The following PRELID2 variants were observed in gnomAD, a reference collection of about 807,000 sequenced individuals.
PRELID2 encodes the protein PRELI domain containing 2.
Under a neutral mutation model 28.4 loss-of-function variants are expected in PRELID2, and 25 were observed. The ratio of observed to expected loss-of-function variants is 0.88; its 90% CI spans 0.64 to 1.23. The LOEUF (loss-of-function observed/expected upper bound fraction) is 1.23. Among genes scored for constraint, PRELID2 ranks in the 50% most tolerant of loss-of-function variants. The pLI, the probability that PRELID2 is intolerant of heterozygous loss-of-function variation, is 0.00. For synonymous variants in PRELID2, 76 were observed against 71.6 expected (o/e 1.06, Z -0.31); for missense variants, 201 against 214.4 (o/e 0.94, Z 0.39).
the PRELID2 span, among the ~76,000 whole-genome samples, chr5:145,441,720 T>G: frequency 6.6e-6 from 1 of 152,072 alleles, no homozygotes; most frequent in African/African-American, 2.4e-5. Context: ...GGATGCATGG[T>G]GAAGGCACAC....
chr5:145,415,009 T>C, the PRELID2 span, among the ~76,000 whole-genome samples: 296 of 152,286 alleles, frequency 1.9e-3, no homozygotes, highest in Admixed American at 4.1e-3. Flanking sequence ...TAGATATCTA[T>C]AGAACTCTCC....
intron 1 of PRELID2, among the ~76,000 whole-genome samples, chr5:145,654,861 C>A (rs1262481109): frequency 6.6e-6 from 1 of 152,134 alleles, no homozygotes; most frequent in African/African-American, 2.4e-5. Flanking sequence ...CCCTCTCTCG[C>A]CACTCCTATT....
chr5:145,381,791 TA>T, the PRELID2 span: 2 of 152,142 alleles, frequency 1.3e-5, no homozygotes, highest in African/African-American at 4.8e-5. Context: ...CAACCTTCTA[TA>T]ACAAAAATAA....
the PRELID2 span, among the ~76,000 whole-genome samples, chr5:145,425,972 CATT>C: frequency 6.6e-6 from 1 of 152,106 alleles, no homozygotes; most frequent in Non-Finnish European, 1.5e-5. Flanking sequence ...CCCTCATCAT[CATT>C]ATTATTATTT....
At chr5:145,443,657 A>C in the PRELID2 span, among the ~76,000 whole-genome samples, 4 of 152,118 alleles carry the variant, frequency 2.6e-5, no homozygotes, top group African/African-American at 7.2e-5. Flanking sequence ...ACCTCTGTAC[A>C]GCATTTTCAG....
At chr5:145,399,263 AT>A in the PRELID2 span, among the ~76,000 whole-genome samples, 296 of 152,194 alleles carry the variant, frequency 1.9e-3, 1 homozygote, top group African/African-American at 6.7e-3. Context: ...GATGGAGTTG[AT>A]TACATGGGGG....
At chr5:145,725,158 C>T (rs888879805) in intron 1 of PRELID2, among the ~76,000 whole-genome samples, 1 of 151,810 alleles carries the variant, frequency 6.6e-6, no homozygotes, top group African/African-American at 2.4e-5. Flanking sequence ...TTCAAAGCAA[C>T]AAGAAAAGAG....
At chr5:145,796,271 C>G (rs1669318382) in intron 5 of PRELID2, 171 bp downstream of exon 5, 1 of 421,682 alleles carries the variant, frequency 2.4e-6, no homozygotes, top group African/African-American at 2.1e-5. Context: ...TTTAGTTTTA[C>G]TTTGATTTGA....
At chr5:145,830,775 G>T (rs1390021396) in intron 1 of PRELID2, among the ~76,000 whole-genome samples, 1 of 152,164 alleles carries the variant, frequency 6.6e-6, no homozygotes, top group Non-Finnish European at 1.5e-5. Flanking sequence ...TTTTCACAGT[G>T]TCACTTAGCT....
intron 1 of PRELID2, among the ~76,000 whole-genome samples, chr5:145,720,414 G>A (rs1755955832): frequency 6.6e-6 from 1 of 151,326 alleles, no homozygotes; most frequent in South Asian, 2.1e-4. Flanking sequence ...GACTTCTCAA[G>A]AGCAACATAC....
the PRELID2 span, among the ~76,000 whole-genome samples, chr5:145,264,969 TAAAAAAAAA>T: frequency 1.6e-4 from 9 of 56,876 alleles, no homozygotes; most frequent in East Asian, 1.9e-3. Context: ...AGTGCAACTC[TAAAAAAAAA>T]AAAAAAAAAA....
chr5:145,779,164 C>T (rs1306746085), intron 5 of PRELID2, among the ~76,000 whole-genome samples: 1 of 152,070 alleles, frequency 6.6e-6, no homozygotes, highest in African/African-American at 2.4e-5. Context: ...TTCATTTGTT[C>T]ATTAATTCAA....
chr5:145,265,236 A>G, the PRELID2 span, among the ~76,000 whole-genome samples: 3 of 152,026 alleles, frequency 2.0e-5, no homozygotes, highest in African/African-American at 7.2e-5. Context: ...AAATAAAATA[A>G]AATACTTAGG....
At chr5:145,293,184 C>T in the PRELID2 span, among the ~76,000 whole-genome samples, 14 of 152,114 alleles carry the variant, frequency 9.2e-5, no homozygotes, top group Middle Eastern at 3.2e-3. Flanking sequence ...AAACACATGG[C>T]CAGCTTTACA....
At chr5:145,653,128 C>G (rs549115964) in intron 1 of PRELID2, among the ~76,000 whole-genome samples, 1 of 152,074 alleles carries the variant, frequency 6.6e-6, no homozygotes. Flanking sequence ...AGACTTTAAA[C>G]CAACAAAGAT....
At chr5:145,752,138 T>C (rs900819614), downstream of PRELID2, among the ~76,000 whole-genome samples, 4 of 152,114 alleles carry the variant, frequency 2.6e-5, no homozygotes, top group African/African-American at 9.7e-5. Flanking sequence ...GAAAACTAAA[T>C]GTCTAGCTGA....
At chr5:145,406,782 T>G in the PRELID2 span, among the ~76,000 whole-genome samples, 1 of 152,210 alleles carries the variant, frequency 6.6e-6, no homozygotes, top group African/African-American at 2.4e-5. Context: ...AGTCTGCCTC[T>G]GAACACACAT....
chr5:145,808,757 A>G (rs1371396514), intron 4 of PRELID2, among the ~76,000 whole-genome samples: 1 of 151,886 alleles, frequency 6.6e-6, no homozygotes, highest in African/African-American at 2.4e-5. Flanking sequence ...ATGGTAGCAC[A>G]CACCTATATC....
the PRELID2 span, among the ~76,000 whole-genome samples, chr5:145,395,371 C>T: frequency 9.2e-5 from 14 of 152,268 alleles, no homozygotes; most frequent in South Asian, 2.5e-3. Flanking sequence ...CCAACTGGTG[C>T]TACCGAGAAT....
Sources: allele counts gnomAD v4.1 joint callset (sites outside exome capture counted in the v4.1 genomes callset), GRCh38; gene constraint gnomAD v4.1.1; transcripts MANE v1.5; gene names NCBI Gene and HGNC (gene_info 2026-07-23, HGNC 2026-07-21).